The following SCAP variants were observed in gnomAD, a reference collection of about 807,000 sequenced individuals.
SCAP encodes the protein sterol regulatory element-binding protein cleavage-activating protein.
In SCAP, 65 loss-of-function variants were observed where a neutral mutation model predicts 123.6. That is an observed-to-expected ratio of 0.53 (90% CI 0.43 to 0.65). SCAP has a LOEUF of 0.65. SCAP is among the 30% of genes least tolerant of loss of function. SCAP has a pLI of 0.00. For missense variants in SCAP, 1,398 were observed against 1,712.5 expected (o/e 0.82, Z 3.24); for synonymous variants, 740 against 726.3 (o/e 1.02, Z -0.30).
At chr3:47,452,987 T>C (rs148830361) in intron 1 of SCAP, among the ~76,000 whole-genome samples, 169 of 152,216 alleles carry the variant, frequency 1.1e-3, no homozygotes, top group Non-Finnish European at 2.2e-3. Context: ...TCCTGGCTAC[T>C]TGGAAGCCTG....
intron 14 of SCAP, 35 bp downstream of exon 14, chr3:47,418,620 A>T (rs1266309484): frequency 2.2e-6 from 2 of 895,954 alleles, no homozygotes; most frequent in Admixed American, 4.1e-5. Context: ...CCCTCCCCGC[A>T]CTCTTTCCCA....
chr3:47,425,328 C>G (rs1447819157), intron 8 of SCAP, 157 bp downstream of exon 8: 30 of 784,190 alleles, frequency 3.8e-5, no homozygotes, highest in Non-Finnish European at 5.9e-5. Flanking sequence ...ACAAGCCAGA[C>G]AAAGAAGAGG....
intron 3 of SCAP, among the ~76,000 whole-genome samples, chr3:47,429,717 C>T (rs1450123493): frequency 6.6e-6 from 1 of 152,226 alleles, no homozygotes; most frequent in Non-Finnish European, 1.5e-5. Flanking sequence ...TACTGAAGCA[C>T]AGCCACACCC....
intron 1 of SCAP, among the ~76,000 whole-genome samples, chr3:47,451,593 T>G (rs745624353): frequency 2.5e-5 from 3 of 119,378 alleles, no homozygotes; most frequent in Non-Finnish European, 5.5e-5. Flanking sequence ...GAGATGGGGT[T>G]TTACCATGTT....
intron 1 of SCAP, among the ~76,000 whole-genome samples, chr3:47,448,002 CAAAAAAAAAAAAAAA>C (rs35075035): frequency 2.1e-4 from 14 of 66,324 alleles, no homozygotes; most frequent in African/African-American, 8.1e-4. Flanking sequence ...GACTCCGTCT[CAAAAAAAAAAAAAAA>C]AAAAAAAAAA....
intron 1 of SCAP, among the ~76,000 whole-genome samples, chr3:47,462,760 A>G (rs563921887): frequency 2.6e-5 from 4 of 151,202 alleles, no homozygotes; most frequent in Admixed American, 1.3e-4. Context: ...TCTCAAAAAA[A>G]AAAAAAAAAA....
chr3:47,430,955 A>C (rs906545611), intron 3 of SCAP, among the ~76,000 whole-genome samples: 3 of 152,186 alleles, frequency 2.0e-5, no homozygotes, highest in Non-Finnish European at 4.4e-5. Context: ...AAGCACAGCA[A>C]GTTAATGCCT....
chr3:47,418,575 C>A, intron 14 of SCAP, 53 bp from the exon 15 acceptor site: 1 of 1,551,310 alleles, frequency 6.4e-7, no homozygotes, highest in East Asian at 2.4e-5. Context: ...TGTCCCCTCC[C>A]CTCCTCCCTC....
chr3:47,433,452 T>A (rs1706447658), intron 3 of SCAP, among the ~76,000 whole-genome samples: 2 of 152,182 alleles, frequency 1.3e-5, no homozygotes, highest in African/African-American at 4.8e-5. Flanking sequence ...TTCAAAGAGC[T>A]CACAAACACA....
In SCAP at chr3:47,417,701, G is replaced by C. The variant is rs1348391954; in HGVS notation, c.2573C>G (p.Pro858Arg). 2 of 1,608,852 alleles carry C rather than the reference G, an allele frequency of 1.2e-6. No individual in the cohort carries two copies. The highest frequency in any genetic ancestry group is 1.7e-5 in the Admixed American group (1 of 59,640). ...GAGGGAAGGCGGCGGAGGGCCCCGG[G>C]GGCGGTGTCTCAGGGGAGGGCTGTC... ...PGDSPPLRHRPRGPPPPSLFG... is the reference protein window; with the variant it reads ...PGDSPPLRHRRRGPPPPSLFG... The change falls in exon 17 of 23, where the codon CCC becomes CGC. Residue 858 changes from proline to arginine, a missense_variant. Pro to Arg is a moderately radical substitution (Grantham distance 103). This residue lies in a region of SCAP where 828 missense variants were observed against 882.5 expected (regional missense o/e 0.94). Transcript: ENST00000265565.
chr3:47,470,865 GA>G (rs200551807), intron 1 of SCAP, among the ~76,000 whole-genome samples: 1 of 151,780 alleles, frequency 6.6e-6, no homozygotes, highest in African/African-American at 2.4e-5. Flanking sequence ...TCTGTTTCAA[GA>G]AAAAAACAAA....
chr3:47,421,058 G>C (rs781519926), intron 10 of SCAP, 29 bp from the exon 11 acceptor site: 44 of 1,583,064 alleles, frequency 2.8e-5, no homozygotes, highest in Non-Finnish European at 3.6e-5. Flanking sequence ...GGGATGGGGG[G>C]GTGCCGTGAC....
chr3:47,428,719 A>T (rs1706243132), intron 3 of SCAP, 49 bp from the exon 4 acceptor site: 1 of 1,597,068 alleles, frequency 6.3e-7, no homozygotes, highest in Non-Finnish European at 8.5e-7. Flanking sequence ...GCACAGGAAG[A>T]AGAAAGACGG....
intron 1 of SCAP, chr3:47,469,890 C>A: frequency 1.9e-6 from 1 of 517,632 alleles, no homozygotes; most frequent in Non-Finnish European, 3.9e-6. Context: ...AAGAAATTAG[C>A]CACAGATTCA....
intron 1 of SCAP, among the ~76,000 whole-genome samples, chr3:47,452,904 A>C (rs888826491): frequency 2.7e-5 from 4 of 149,624 alleles, no homozygotes; most frequent in Non-Finnish European, 4.4e-5. Context: ...AGCCTGGGCA[A>C]CATACAGAGA....
At chr3:47,428,783 A>C (rs1706245721) in intron 3 of SCAP, 113 bp from the exon 4 acceptor site, 3 of 1,174,714 alleles carry the variant, frequency 2.6e-6, no homozygotes, top group Non-Finnish European at 3.6e-6. Context: ...AGAGTTAAAG[A>C]AACCAATGAC....
rs990809565 is a variant in SCAP at position 47,439,237 on chromosome 3, C to T, written c.122+3635G>A. Among the ~76,000 whole-genome samples, 6 of 151,958 alleles carry T rather than the reference C, an allele frequency of 3.9e-5. No homozygotes were observed. The highest frequency in any genetic ancestry group is 7.4e-5 in the Non-Finnish European group (5 of 68,006). On this transcript the variant is annotated intron_variant, in intron 2 of 22. Transcript: ENST00000265565. The surrounding 1 kb of genome is among the most constrained non-coding windows in gnomAD (Gnocchi z 4.0). ...CAGTCTGGCCAACATGGTGAAACCC[C>T]GTCTCTACTAAAAATACAAAAAATA...
At chr3:47,438,253 A>G (rs1035346326) in intron 2 of SCAP, among the ~76,000 whole-genome samples, 1 of 152,232 alleles carries the variant, frequency 6.6e-6, no homozygotes, top group African/African-American at 2.4e-5. Context: ...AAACAATTAC[A>G]CAATCTCCTT....
At chr3:47,423,653 CA>C (rs1424525189) in intron 9 of SCAP, among the ~76,000 whole-genome samples, 1 of 152,232 alleles carries the variant, frequency 6.6e-6, no homozygotes, top group African/African-American at 2.4e-5. Context: ...CTCAGCCTCC[CA>C]AAGTGCTGGG....
Sources: gnomAD v4.1 joint callset for allele counts (sites outside exome capture counted in the v4.1 genomes callset) on GRCh38, gnomAD v4.1.1 for gene constraint, gnomAD v4.1.1 regional missense constraint, Gnocchi (gnomAD v3.1) non-coding constraint, MANE v1.5 for transcripts, NCBI Gene and HGNC (gene_info 2026-07-23, HGNC 2026-07-21) for gene names.